The following LRRC43 variants were observed in gnomAD, a reference collection of about 807,000 sequenced individuals.
LRRC43 encodes leucine-rich repeat-containing protein 43.
LRRC43 carries 62 observed loss-of-function variants against 64.3 expected under a neutral mutation model. The observed-to-expected ratio is 0.96, with a 90% CI of 0.79 to 1.19. The LOEUF is 1.19. Ranked by LOEUF, LRRC43 falls within the 50% of genes most tolerant of loss-of-function variation. The pLI, the probability that LRRC43 is intolerant of heterozygous loss-of-function variation, is 0.00. For synonymous variants in LRRC43, 422 were observed against 382.3 expected, an observed-to-expected ratio of 1.10 and a Z score of -1.21; for missense variants, 868 against 845.0, an observed-to-expected ratio of 1.03 and a Z score of -0.34.
At chr12:122,190,102 C>T (rs949616042) in intron 4 of LRRC43, 28 bp from the exon 5 acceptor site, 1 of 1,590,502 alleles carries the variant, frequency 6.3e-7, no homozygotes, top group African/African-American at 1.3e-5. Flanking sequence ...GGCTTCTTGA[C>T]CCCCAGACGG....
Position 122,200,824 on chromosome 12 carries a change from C to CT in LRRC43, c.1699_1700insT (p.Arg567LeufsTer31). On this transcript the variant is annotated frameshift_variant, in exon 10 of 12. Coordinates refer to ENST00000339777, the MANE Select transcript of LRRC43 (RefSeq NM_001098519.2). LOFTEE classifies it high-confidence loss of function. This position sits in a 1 kb window ranked among gnomAD's most constrained non-coding sequence, Gnocchi z 4.6. The stretch of plus-strand genomic sequence containing the variant: ...CCCCCCCATCCTCCAGGTGCTGGGC[C>CT]GGGGCCTGGTGATCCTGGAGCCCCT... 1 of 1,613,174 alleles carries CT rather than the reference C, an allele frequency of 6.2e-7. No individual in the cohort carries two copies. Among genetic ancestry groups the CT allele is most frequent in the Non-Finnish European group, 8.5e-7 (1 of 1,180,002 alleles).
chr12:122,180,207 G>A (rs548871812), upstream of LRRC43, among the ~76,000 whole-genome samples: 3 of 151,900 alleles, frequency 2.0e-5, no homozygotes, highest in Non-Finnish European at 2.9e-5. Context: ...TATTGTGGTG[G>A]TTTGGGAAGT....
intron 1 of LRRC43, chr12:122,174,164 A>G: frequency 1.2e-6 from 2 of 1,614,150 alleles, no homozygotes; most frequent in Non-Finnish European, 1.7e-6. Context: ...TACCTGAGTG[A>G]GAGGCCATGG....
rs765586541 is a variant in LRRC43 at position 122,187,761 on chromosome 12, G to A, written c.583G>A (p.Ala195Thr). The A allele has an allele frequency of 2.9e-5, 46 of 1,613,932 alleles. No individual in the cohort carries two copies. Among genetic ancestry groups the A allele is most frequent in the Middle Eastern group, 1.6e-4 (1 of 6,062 alleles). ...GGAGTGTCTGTGTGCCCACCCACCC[G>A]CCGGCCTGCAGCACTTGGGGTTAGG... ...SMECLCAHPP[A>T]GLQHLGLGHN... Residue 195 changes from alanine to threonine, a missense_variant, in exon 4 of 12, where the codon GCC becomes ACC. Transcript: ENST00000339777.
In LRRC43 at chr12:122,200,634, G is replaced by C. The variant is rs1156428326; in HGVS notation, c.1594G>C (p.Gly532Arg). 1.2e-6 allele frequency: 2 copies of C among 1,614,012 alleles called. No individual in the cohort carries two copies. The highest frequency in any genetic ancestry group is 1.7e-6 in the Non-Finnish European group (2 of 1,180,020). Residue 532 changes from glycine to arginine, a missense_variant, in exon 9 of 12, where the codon GGG becomes CGG. Transcript: ENST00000339777. This position sits in a 1 kb window ranked among gnomAD's most constrained non-coding sequence, Gnocchi z 4.6. ...GAAAGGGAAGGAGAAAGACAGGACG[G>C]GGAAAGGAGAGAAAGAGCCGGCCAA... ...DKKGKEKDRTGKGEKEPAKEW... is the reference protein window; with the variant it reads ...DKKGKEKDRTRKGEKEPAKEW...
chr12:122,173,943 C>T (rs200334193), intron 1 of LRRC43: 1 of 1,614,066 alleles, frequency 6.2e-7, no homozygotes, highest in East Asian at 2.2e-5. Context: ...TGTGGGAGGC[C>T]AGCCAGCCTC....
At chr12:122,186,424 A>G (rs749906015) in intron 3 of LRRC43, 124 bp downstream of exon 3, 420 of 632,270 alleles carry the variant, frequency 6.6e-4, no homozygotes, top group Admixed American at 1.8e-3. Context: ...GGCTTTTAAA[A>G]TGTAGGTCAC....
upstream of LRRC43, among the ~76,000 whole-genome samples, chr12:122,179,485 A>T (rs1953564239): frequency 6.6e-6 from 1 of 152,112 alleles, no homozygotes; most frequent in African/African-American, 2.4e-5. Flanking sequence ...GGACGTGTGG[A>T]TCTGAAGCGT....
intron 4 of LRRC43, among the ~76,000 whole-genome samples, chr12:122,188,998 A>C (rs973011828): frequency 6.6e-6 from 1 of 152,160 alleles, no homozygotes; most frequent in Non-Finnish European, 1.5e-5. Flanking sequence ...ACCAAGCCCT[A>C]GCGCCAGCCG....
At position 122,177,911 on chromosome 12, in the gene LRRC43, C is replaced by T. The variant is rs372515562; in HGVS notation, c.-405-6608C>T. ...GGAGTGCAGTGGCATGATCTTGGCT[C>T]ACTGCAACCTCTGCCTCCTGGGTTC... On this transcript the variant is annotated intron_variant, in intron 1 of 5. Transcript: ENST00000537729. 8.6e-5 allele frequency among the ~76,000 whole-genome samples: 13 copies of T among 151,710 alleles called. No homozygotes were observed. In the South Asian group the frequency reaches 1.9e-3, roughly 22 times the overall value.
At chr12:122,182,215 C>T (rs1418013306), upstream of LRRC43, among the ~76,000 whole-genome samples, 2 of 151,626 alleles carry the variant, frequency 1.3e-5, no homozygotes, top group African/African-American at 4.8e-5. Flanking sequence ...TGGTGAAACT[C>T]CATCTCTACT....
intron 7 of LRRC43, among the ~76,000 whole-genome samples, chr12:122,193,381 T>TAA (rs34910328): frequency 0.053 from 2,484 of 47,174 alleles, 392 homozygotes; most frequent in African/African-American, 0.17. Flanking sequence ...CTCCGTCTCA[T>TAA]AAAAAAAAAA....
rs778590277 is a variant in LRRC43 at position 122,200,303 on chromosome 12, G to T, written c.1464G>T (p.Gly488=). 2.5e-6 allele frequency: 4 copies of T among 1,611,638 alleles called. No homozygotes were observed. The highest frequency in any genetic ancestry group is 8.5e-7 in the Non-Finnish European group (1 of 1,179,984). ...LVPLKAFLLA[G]TTVTIVEEKI... is the part of the protein sequence containing the mutation. ...CACTGAAGGCCTTCCTGCTGGCGGG[G>T]ACCACCGTGACCATCGTGGAGGAGA... The change falls in exon 8 of 12, where the codon GGG becomes GGT. Residue 488 remains glycine, a synonymous_variant. Transcript: ENST00000339777. The surrounding 1 kb of genome is among the most constrained non-coding windows in gnomAD (Gnocchi z 4.6).
chr12:122,183,235 G>A lies in LRRC43; in HGVS notation c.91G>A (p.Val31Met). 2 of 1,568,874 alleles carry A rather than the reference G, an allele frequency of 1.3e-6. No homozygotes were observed. Among genetic ancestry groups the A allele is most frequent in the Non-Finnish European group, 8.6e-7 (1 of 1,167,012 alleles). Reference protein sequence around the residue: ...RPGTGTVSAAVREHLRKLCLR... With the variant: ...RPGTGTVSAAMREHLRKLCLR... ...CGGGACCGGGACCGTGAGCGCGGCC[G>A]TGCGCGAGCACTTGCGGAAGCTGTG... Residue 31 changes from valine to methionine, a missense_variant, in exon 1 of 12, where the codon GTG becomes ATG. Val to Met is a conservative substitution (Grantham distance 21). Transcript: ENST00000339777.
In LRRC43 at chr12:122,173,920, C is replaced by T. The variant is rs755248798; in HGVS notation, c.-406+6138C>T. The T allele has an allele frequency of 1.8e-5, 29 of 1,614,042 alleles. No individual in the cohort carries two copies. Among genetic ancestry groups the T allele is most frequent in the Admixed American group, 5.0e-5 (3 of 59,990 alleles). ...TACATCATCACTTGGTCGTAGTAAACGGACGGGCAACGTGTGGGAGGCCAG... is the reference window on the plus strand; with the variant it reads ...TACATCATCACTTGGTCGTAGTAAATGGACGGGCAACGTGTGGGAGGCCAG... On this transcript the variant is annotated intron_variant, in intron 1 of 5. Transcript: ENST00000537729.
intron 1 of LRRC43, among the ~76,000 whole-genome samples, chr12:122,170,257 T>C (rs1425084153): frequency 2.0e-5 from 3 of 152,206 alleles, no homozygotes; most frequent in African/African-American, 7.2e-5. Flanking sequence ...AAAAGAGAGA[T>C]AGAAGTCCAC....
At chr12:122,194,536 A>C (rs373800217) in intron 7 of LRRC43, among the ~76,000 whole-genome samples, 5,542 of 150,068 alleles carry the variant, frequency 0.037, 134 homozygotes, top group Middle Eastern at 0.13. Context: ...ATTCCACTCC[A>C]CCCTGGGCAA....
At chr12:122,194,734 G>A (rs187468255) in intron 7 of LRRC43, among the ~76,000 whole-genome samples, 1 of 151,918 alleles carries the variant, frequency 6.6e-6, no homozygotes, top group African/African-American at 2.4e-5. Flanking sequence ...GCCTCCCAAA[G>A]TGCTGCAATT....
intron 1 of LRRC43, among the ~76,000 whole-genome samples, chr12:122,170,315 A>C (rs187479103): frequency 6.6e-6 from 1 of 152,230 alleles, no homozygotes; most frequent in Admixed American, 6.5e-5. Flanking sequence ...GTCATTGGAA[A>C]CTAGGATATC....
Sources: gnomAD v4.1 joint callset for allele counts (sites outside exome capture counted in the v4.1 genomes callset) on GRCh38, gnomAD v4.1.1 for gene constraint, Gnocchi (gnomAD v3.1) non-coding constraint, MANE v1.5 for transcripts, NCBI Gene and HGNC (gene_info 2026-07-23, HGNC 2026-07-21) for gene names.